The following SCGN variants were observed in gnomAD, a reference collection of about 807,000 sequenced individuals.
The protein encoded by SCGN is secretagogin, EF-hand calcium binding protein.
Under a neutral mutation model 39.7 loss-of-function variants are expected in SCGN, and 30 were observed. The ratio of observed to expected loss-of-function variants is 0.76; its 90% CI spans 0.57 to 1.03. The LOEUF (loss-of-function observed/expected upper bound fraction) is 1.03, where lower values mean the gene tolerates loss of function less well. SCGN is among the 50% of genes least tolerant of loss of function. The pLI is 0.00. For synonymous variants in SCGN, 106 were observed against 114.1 expected, an observed-to-expected ratio of 0.93 and a Z score of 0.45; for missense variants, 353 against 349.4, an observed-to-expected ratio of 1.01 and a Z score of -0.08.
intron 7 of SCGN, among the ~76,000 whole-genome samples, chr6:25,684,916 G>T (rs1431768685): frequency 6.6e-6 from 1 of 152,178 alleles, no homozygotes; most frequent in Non-Finnish European, 1.5e-5. Context: ...AATTAAGTTT[G>T]CTAATCAATA....
At chr6:25,659,585 A>G (rs1204986253) in intron 2 of SCGN, among the ~76,000 whole-genome samples, 1 of 152,230 alleles carries the variant, frequency 6.6e-6, no homozygotes, top group Non-Finnish European at 1.5e-5. Flanking sequence ...AATCACAAAG[A>G]CTAATCTGAA....
intron 7 of SCGN, among the ~76,000 whole-genome samples, chr6:25,686,697 T>C (rs1759708299): frequency 6.6e-6 from 1 of 152,178 alleles, no homozygotes; most frequent in Non-Finnish European, 1.5e-5. Flanking sequence ...TGTTTTTAAT[T>C]CTCATGAAGT....
chr6:25,683,248 G>T (rs909418526), intron 7 of SCGN, among the ~76,000 whole-genome samples: 1 of 152,200 alleles, frequency 6.6e-6, no homozygotes, highest in African/African-American at 2.4e-5. Flanking sequence ...AATGGAGGCA[G>T]GGTTCCTCTC....
intron 9 of SCGN, among the ~76,000 whole-genome samples, chr6:25,689,813 T>C (rs146501152): frequency 4.3e-4 from 65 of 152,018 alleles, no homozygotes; most frequent in African/African-American, 1.4e-3. Flanking sequence ...GGACTAAGAG[T>C]TCATTTATAA....
chr6:25,684,247 G>A (rs1759674709), intron 7 of SCGN, among the ~76,000 whole-genome samples: 1 of 152,114 alleles, frequency 6.6e-6, no homozygotes, highest in South Asian at 2.1e-4. Context: ...ATGAGTAGTT[G>A]TGAATTGATG....
intron 6 of SCGN, among the ~76,000 whole-genome samples, chr6:25,677,177 C>G (rs1341314984): frequency 6.6e-6 from 1 of 152,178 alleles, no homozygotes; most frequent in Non-Finnish European, 1.5e-5. Flanking sequence ...CAAATCCTAT[C>G]CCTCTTTCAG....
chr6:25,676,821 ATC>A (rs1759569023), intron 6 of SCGN, among the ~76,000 whole-genome samples: 2 of 152,174 alleles, frequency 1.3e-5, no homozygotes, highest in Non-Finnish European at 2.9e-5. Flanking sequence ...GAGAGCATGA[ATC>A]TTTGTTTGTT....
chr6:25,661,683 C>G (rs1246971133), intron 3 of SCGN, 39 bp downstream of exon 3: 14 of 1,337,796 alleles, frequency 1.0e-5, no homozygotes, highest in Non-Finnish European at 1.4e-5. Context: ...CTCTACTCTT[C>G]TTGACTGTTT....
intron 4 of SCGN, among the ~76,000 whole-genome samples, chr6:25,668,599 T>C (rs1273974439): frequency 6.6e-6 from 1 of 152,218 alleles, no homozygotes; most frequent in East Asian, 1.9e-4. Flanking sequence ...AGCAGGCACC[T>C]CAATCTAATT....
chr6:25,658,365 C>A (rs1391636164), intron 2 of SCGN, among the ~76,000 whole-genome samples: 2 of 151,678 alleles, frequency 1.3e-5, no homozygotes, highest in African/African-American at 4.8e-5. Context: ...TTTAACTAGA[C>A]CCTTCACTGT....
intron 6 of SCGN, among the ~76,000 whole-genome samples, 198 bp from the exon 7 acceptor site, chr6:25,681,753 G>A (rs1759639529): frequency 6.6e-6 from 1 of 152,154 alleles, no homozygotes; most frequent in Non-Finnish European, 1.5e-5. Context: ...TAGGAGATTT[G>A]GTTACTACGA....
chr6:25,698,821 T>A (rs1759870082), intron 10 of SCGN, among the ~76,000 whole-genome samples: 1 of 152,212 alleles, frequency 6.6e-6, no homozygotes, highest in Non-Finnish European at 1.5e-5. Context: ...TCTCTCTGAA[T>A]ACCAGGCCTA....
chr6:25,655,615 C>T (rs1045511949), intron 2 of SCGN, among the ~76,000 whole-genome samples: 6 of 152,136 alleles, frequency 3.9e-5, no homozygotes, highest in African/African-American at 1.4e-4. Context: ...TGGAAGTTCT[C>T]ATAATCCTTA....
At position 25,686,904 on chromosome 6, in the gene SCGN, T is replaced by A. The variant is rs576974840; in HGVS notation, c.528-2268T>A. Among the ~76,000 whole-genome samples the A allele has an allele frequency of 2.1e-3, 316 of 152,298 alleles. 1 individual carries two copies. Among genetic ancestry groups the A allele is most frequent in the African/African-American group, 7.1e-3 (296 of 41,582 alleles). On this transcript the variant is annotated intron_variant, in intron 7 of 10. Coordinates refer to ENST00000377961, the MANE Select transcript of SCGN (RefSeq NM_006998.4). ...GTAAGGTGGGGGCACAATTTCATTA[T>A]TTTGCATGTAGATATCTACTTGTCC... is the stretch of plus-strand genomic sequence containing the variant.
intron 10 of SCGN, among the ~76,000 whole-genome samples, chr6:25,697,040 G>C (rs1156805319): frequency 6.6e-6 from 1 of 152,192 alleles, no homozygotes; most frequent in Non-Finnish European, 1.5e-5. Flanking sequence ...TCTTCCTGGA[G>C]CTTCTCAAAT....
At chr6:25,664,399 A>T (rs1176384067) in intron 3 of SCGN, among the ~76,000 whole-genome samples, 1 of 152,200 alleles carries the variant, frequency 6.6e-6, no homozygotes, top group Non-Finnish European at 1.5e-5. Context: ...TTCATCACAC[A>T]CTAATTACAA....
intron 10 of SCGN, among the ~76,000 whole-genome samples, chr6:25,698,831 A>G (rs1022768222): frequency 7.2e-5 from 11 of 152,036 alleles, no homozygotes; most frequent in African/African-American, 2.4e-4. Flanking sequence ...TACCAGGCCT[A>G]CTCTGGTGTT....
chr6:25,668,162 A>G (rs556113492), intron 4 of SCGN, among the ~76,000 whole-genome samples: 10 of 152,094 alleles, frequency 6.6e-5, no homozygotes, highest in East Asian at 1.9e-4. Context: ...GGTCCTTGCA[A>G]TTGGTAACAC....
At chr6:25,652,890 C>T (rs764975666) in intron 1 of SCGN, among the ~76,000 whole-genome samples, 14 of 152,130 alleles carry the variant, frequency 9.2e-5, no homozygotes, top group Non-Finnish European at 1.5e-4. Context: ...ACCCCTCACT[C>T]TCTCAAAATG....
Sources: gnomAD v4.1 joint callset for allele counts (sites outside exome capture counted in the v4.1 genomes callset) on GRCh38, gnomAD v4.1.1 for gene constraint, MANE v1.5 for transcripts, NCBI Gene and HGNC (gene_info 2026-07-23, HGNC 2026-07-21) for gene names.